MECOM: variants seen among roughly 807,000 people sequenced by gnomAD.
MECOM encodes the protein histone-lysine N-methyltransferase MECOM.
A neutral mutation model predicts 116.3 loss-of-function variants in MECOM; 13 were observed. The ratio of observed to expected loss-of-function variants is 0.11; its 90% confidence interval spans 0.07 to 0.18. MECOM has a LOEUF of 0.18. Among genes scored for constraint, MECOM ranks in the 10% least tolerant of loss-of-function variants. The pLI is 1.00. For synonymous variants in MECOM, 528 were observed against 535.2 expected, an observed-to-expected ratio of 0.99 and a Z score of 0.19; for missense variants, 1,299 against 1,509.0, an observed-to-expected ratio of 0.86 and a Z score of 2.31.
chr3:169,449,771 G>C (rs75934373), intron 1 of MECOM, among the ~76,000 whole-genome samples: 1,583 of 152,222 alleles, frequency 0.01, 31 homozygotes, highest in African/African-American at 0.037. Context: ...CGGAAAAAAA[G>C]AAATACAATG....
At chr3:169,269,531 A>G (rs1239503369) in intron 2 of MECOM, among the ~76,000 whole-genome samples, 1 of 152,230 alleles carries the variant, frequency 6.6e-6, no homozygotes, top group Non-Finnish European at 1.5e-5. Flanking sequence ...TCAAGAATGA[A>G]AAGTATCACT....
At chr3:169,601,441 G>C (rs1577064318) in intron 1 of MECOM, among the ~76,000 whole-genome samples, 2 of 152,194 alleles carry the variant, frequency 1.3e-5, no homozygotes, top group African/African-American at 4.8e-5. Context: ...TTCCCACAAG[G>C]AATAGAGCAC....
intron 2 of MECOM, among the ~76,000 whole-genome samples, chr3:169,226,937 AG>A (rs1462483707): frequency 7.9e-5 from 12 of 152,348 alleles, no homozygotes; most frequent in Admixed American, 1.3e-4. Context: ...AGATGTTCAT[AG>A]GCTATAAAAG....
intron 1 of MECOM, among the ~76,000 whole-genome samples, chr3:169,404,495 A>C (rs1017417376): frequency 6.6e-6 from 1 of 152,258 alleles, no homozygotes; most frequent in Non-Finnish European, 1.5e-5. Context: ...CCAAACATAA[A>C]GCAGAGAAAA....
At chr3:169,148,970 C>T (rs949168802) in intron 2 of MECOM, among the ~76,000 whole-genome samples, 9 of 151,834 alleles carry the variant, frequency 5.9e-5, no homozygotes, top group African/African-American at 2.2e-4. Flanking sequence ...AACCTAAAAC[C>T]CGGTCAGATA....
At chr3:169,465,123 C>T (rs930369715) in intron 1 of MECOM, among the ~76,000 whole-genome samples, 51 of 152,142 alleles carry the variant, frequency 3.4e-4, no homozygotes, top group Admixed American at 9.8e-4. Flanking sequence ...CCTATATATT[C>T]GTACTTTATT....
intron 1 of MECOM, among the ~76,000 whole-genome samples, chr3:169,573,263 C>T (rs1242508279): frequency 6.6e-6 from 1 of 152,142 alleles, no homozygotes; most frequent in African/African-American, 2.4e-5. Context: ...ATGCCTTGTT[C>T]GGAAGAAGTT....
chr3:169,097,534 G>C lies in MECOM; in HGVS notation c.2850-2289C>G, dbSNP rs928025480. ...CATGATGTAAAATAAAAACGCTGAA[G>C]TGAGAGCTCTGGGCCTGGGTTTTAA... On this transcript the variant is annotated intron_variant, in intron 12 of 16. Transcript: ENST00000651503. 3.9e-5 allele frequency among the ~76,000 whole-genome samples: 6 copies of C among 152,166 alleles called. No homozygotes were observed. In the East Asian group the frequency reaches 1.2e-3, roughly 30 times the overall value.
intron 7 of MECOM, among the ~76,000 whole-genome samples, chr3:169,118,312 G>A (rs570787603): frequency 1.1e-4 from 16 of 152,278 alleles, no homozygotes; most frequent in East Asian, 9.7e-4. Flanking sequence ...GAATCACAAC[G>A]TTACAGAGGC....
chr3:169,451,093 C>T (rs1159181773), intron 1 of MECOM, among the ~76,000 whole-genome samples: 3 of 152,104 alleles, frequency 2.0e-5, no homozygotes, highest in Non-Finnish European at 4.4e-5. Flanking sequence ...TCTTTCTCCA[C>T]CCTACACATA....
At chr3:169,317,802 G>C (rs930908762) in intron 2 of MECOM, among the ~76,000 whole-genome samples, 4 of 152,248 alleles carry the variant, frequency 2.6e-5, no homozygotes, top group African/African-American at 9.6e-5. Flanking sequence ...GCAAAAAAGA[G>C]CCCGTATAGC....
intron 8 of MECOM, among the ~76,000 whole-genome samples, 186 bp downstream of exon 8, chr3:169,115,197 A>G (rs1460712009): frequency 3.3e-5 from 5 of 152,200 alleles, no homozygotes; most frequent in African/African-American, 1.2e-4. Context: ...CTTCAGAAAC[A>G]TCCAAAAATA....
intron 1 of MECOM, among the ~76,000 whole-genome samples, chr3:169,392,823 G>T (rs571069429): frequency 1.3e-5 from 2 of 152,248 alleles, no homozygotes; most frequent in Middle Eastern, 3.4e-3. Flanking sequence ...TGGTGGAAAC[G>T]CAGTTGCCAT....
At chr3:169,563,729 C>A (rs1762920473) in intron 1 of MECOM, among the ~76,000 whole-genome samples, 1 of 152,166 alleles carries the variant, frequency 6.6e-6, no homozygotes. Flanking sequence ...CATAGCGATT[C>A]ACACATTCCT....
intron 16 of MECOM, among the ~76,000 whole-genome samples, chr3:169,087,174 C>G (rs1487576000): frequency 6.6e-6 from 1 of 151,962 alleles, no homozygotes; most frequent in East Asian, 1.9e-4. Flanking sequence ...TAATTATATC[C>G]CTTATCTGTA....
intron 2 of MECOM, among the ~76,000 whole-genome samples, chr3:169,261,524 C>A (rs1020909409): frequency 6.6e-6 from 1 of 152,114 alleles, no homozygotes; most frequent in African/African-American, 2.4e-5. Flanking sequence ...CATGGTGAAA[C>A]CCCGTCTCTA....
chr3:169,129,669 C>CTA (rs368685073), intron 4 of MECOM, among the ~76,000 whole-genome samples: 286 of 152,168 alleles, frequency 1.9e-3, no homozygotes, highest in African/African-American at 6.5e-3. Flanking sequence ...TGTTTAAGAT[C>CTA]TATATTTAGG....
At chr3:169,275,524 G>T (rs1484619469) in intron 2 of MECOM, among the ~76,000 whole-genome samples, 4 of 152,124 alleles carry the variant, frequency 2.6e-5, no homozygotes, top group Non-Finnish European at 5.9e-5. Context: ...ACCTGTGCTG[G>T]AACATTGTTA....
intron 12 of MECOM, among the ~76,000 whole-genome samples, chr3:169,100,282 A>G (rs1462559683): frequency 6.6e-6 from 1 of 151,540 alleles, no homozygotes; most frequent in Non-Finnish European, 1.5e-5. Flanking sequence ...TATTTTTGGT[A>G]GACACAGGGT....
Sources: allele counts gnomAD v4.1 joint callset (sites outside exome capture counted in the v4.1 genomes callset), GRCh38; gene constraint gnomAD v4.1.1; transcripts MANE v1.5; gene names NCBI Gene and HGNC (gene_info 2026-07-23, HGNC 2026-07-21).